SMAP1: variants seen among roughly 807,000 people sequenced by gnomAD.
SMAP1 encodes small ArfGAP 1, also known as stromal membrane-associated protein 1.
SMAP1 carries 24 observed loss-of-function variants against 58.5 expected under a neutral mutation model. That is an observed-to-expected ratio of 0.41 (90% CI 0.30 to 0.58). The LOEUF (loss-of-function observed/expected upper bound fraction) is 0.58. Ranked by LOEUF, SMAP1 falls within the 20% of genes least tolerant of loss-of-function variation. SMAP1 has a pLI of 0.29. For synonymous variants in SMAP1, 216 were observed against 196.6 expected (o/e 1.10, Z -0.82); for missense variants, 563 against 566.3 (o/e 0.99, Z 0.06).
At position 70,762,519 on chromosome 6, in the gene SMAP1, AT is replaced by A. The variant is rs541989769; in HGVS notation, c.338+7456del. 7.4e-3 allele frequency among the ~76,000 whole-genome samples: 1,129 copies of A among 152,292 alleles called. 20 individuals carry two copies. Among genetic ancestry groups the A allele is most frequent in the African/African-American group, 0.025 (1,059 of 41,564 alleles). On this transcript the variant is annotated intron_variant, in intron 3 of 10. Transcript: ENST00000370455. ...AAAATATACAAGGACTGTGTGAGACATTCTTGCAGTAGGAGGCACATAGGAA... is the reference window on the plus strand; with the variant it reads ...AAAATATACAAGGACTGTGTGAGACATCTTGCAGTAGGAGGCACATAGGAA...
rs149750002 is a variant in SMAP1, at chr6:70,705,016, C to T, written c.119-27362C>T. Among the ~76,000 whole-genome samples the T allele has an allele frequency of 3.2e-3, 486 of 152,262 alleles. 1 individual carries two copies. The highest frequency in any genetic ancestry group is 7.1e-3 in the Admixed American group (108 of 15,282). ...TTTGTAGTTCATGATGGCAGACTCT[C>T]ATCTGTTTTATTTCCCTGAGGATAC... On this transcript the variant is annotated intron_variant, in intron 1 of 10. Coordinates refer to ENST00000370455, the MANE Select transcript of SMAP1 (RefSeq NM_001044305.3).
At chr6:70,836,039 C>T (rs781205697) in intron 6 of SMAP1, among the ~76,000 whole-genome samples, 2 of 152,112 alleles carry the variant, frequency 1.3e-5, no homozygotes, top group Non-Finnish European at 2.9e-5. Flanking sequence ...CTTTTCCTGG[C>T]AGTTGTGTCT....
rs1482744733 is a variant in SMAP1 at position 70,783,970 on chromosome 6, C to T, written c.415-7719C>T. 5.3e-5 allele frequency among the ~76,000 whole-genome samples: 8 copies of T among 152,208 alleles called. No individual in the cohort carries two copies. The South Asian group carries it at 6.2e-4, about 12-fold the overall frequency. ...CAGAGAACGCCACAAAGATACTCCT[C>T]GAGAAGAGCAACTCCAAGACACATA... On this transcript the variant is annotated intron_variant, in intron 4 of 10. Coordinates refer to ENST00000370455, the MANE Select transcript of SMAP1 (RefSeq NM_001044305.3).
At chr6:70,682,017 T>C (rs1331541098) in intron 1 of SMAP1, among the ~76,000 whole-genome samples, 1 of 152,048 alleles carries the variant, frequency 6.6e-6, no homozygotes, top group East Asian at 1.9e-4. Flanking sequence ...GGTTAGCTTT[T>C]GACAGGAGAA....
chr6:70,718,967 T>C (rs1213562116), intron 1 of SMAP1, among the ~76,000 whole-genome samples: 1 of 152,166 alleles, frequency 6.6e-6, no homozygotes, highest in African/African-American at 2.4e-5. Context: ...ATGTGTGATT[T>C]CACCTTAAAA....
intron 1 of SMAP1, among the ~76,000 whole-genome samples, chr6:70,703,820 G>T (rs1349746114): frequency 1.3e-5 from 2 of 152,176 alleles, no homozygotes; most frequent in African/African-American, 4.8e-5. Context: ...TGAACTCCTA[G>T]ATCCATTTCC....
intron 4 of SMAP1, among the ~76,000 whole-genome samples, chr6:70,787,537 T>A (rs1246513743): frequency 1.3e-5 from 2 of 152,124 alleles, no homozygotes; most frequent in Non-Finnish European, 2.9e-5. Flanking sequence ...AGAAAATTTT[T>A]GCAATCTACT....
intron 4 of SMAP1, among the ~76,000 whole-genome samples, chr6:70,777,966 G>C (rs1400577558): frequency 6.6e-6 from 1 of 152,066 alleles, no homozygotes; most frequent in Non-Finnish European, 1.5e-5. Flanking sequence ...TGCCCAGGCT[G>C]GTCTCGAACT....
At chr6:70,854,535 T>C (rs1027808325) in intron 8 of SMAP1, among the ~76,000 whole-genome samples, 9 of 151,900 alleles carry the variant, frequency 5.9e-5, no homozygotes, top group African/African-American at 1.9e-4. Flanking sequence ...GGCAGGAGAA[T>C]TGCTTGAACC....
chr6:70,731,344 T>C (rs1765424220), intron 1 of SMAP1, among the ~76,000 whole-genome samples: 1 of 152,246 alleles, frequency 6.6e-6, no homozygotes. Flanking sequence ...ACTTGTATTC[T>C]TGTATTCATA....
At chr6:70,714,917 C>T (rs1033076830) in intron 1 of SMAP1, among the ~76,000 whole-genome samples, 2 of 152,076 alleles carry the variant, frequency 1.3e-5, no homozygotes, top group Middle Eastern at 3.4e-3. Flanking sequence ...CTGCACTTTG[C>T]ATATATAATT....
At chr6:70,856,725 T>TG (rs1771440298) in intron 8 of SMAP1, 134 bp from the exon 9 acceptor site, 1 of 855,386 alleles carries the variant, frequency 1.2e-6, no homozygotes, top group African/African-American at 1.7e-5. Context: ...AGTGATCCTC[T>TG]TGAATGGCAC....
chr6:70,823,085 A>G (rs1164940493), intron 6 of SMAP1, among the ~76,000 whole-genome samples: 1 of 152,170 alleles, frequency 6.6e-6, no homozygotes, highest in African/African-American at 2.4e-5. Context: ...AGCTGCTTTA[A>G]ATTCATGGTC....
At chr6:70,818,241 CAA>C (rs34322746) in intron 6 of SMAP1, among the ~76,000 whole-genome samples, 4 of 127,430 alleles carry the variant, frequency 3.1e-5, no homozygotes, top group Non-Finnish European at 3.4e-5. Flanking sequence ...TAAAAAATTA[CAA>C]AAAAAAAAAA....
chr6:70,685,963 T>A (rs1766919835), intron 1 of SMAP1, among the ~76,000 whole-genome samples: 1 of 152,152 alleles, frequency 6.6e-6, no homozygotes, highest in South Asian at 2.1e-4. Context: ...TGGAGTGTAG[T>A]GGCACCACAA....
chr6:70,670,552 CAT>C (rs1038508637), intron 1 of SMAP1, among the ~76,000 whole-genome samples: 1 of 152,094 alleles, frequency 6.6e-6, no homozygotes, highest in Non-Finnish European at 1.5e-5. Flanking sequence ...GCTAGGATGA[CAT>C]AATAAATATA....
At position 70,788,180 on chromosome 6, in the gene SMAP1, C is replaced by T. The variant is rs1404814359; in HGVS notation, c.415-3509C>T. Among the ~76,000 whole-genome samples, 6 of 151,484 alleles carry T rather than the reference C, an allele frequency of 4.0e-5. No individual in the cohort carries two copies. In the East Asian group the frequency reaches 1.2e-3, roughly 29 times the overall value. On this transcript the variant is annotated intron_variant, in intron 4 of 10. Transcript: ENST00000370455. ...ATGGATGAAACTGGAAACCATCATT[C>T]TCAGCAAACTATCGCAAGGACAAGA...
chr6:70,686,576 C>A (rs1167899787), intron 1 of SMAP1, among the ~76,000 whole-genome samples: 1 of 152,088 alleles, frequency 6.6e-6, no homozygotes, highest in Admixed American at 6.6e-5. Context: ...TTTGAAAAAA[C>A]ACACATTTCT....
At chr6:70,828,599 C>G (rs562039631) in intron 6 of SMAP1, among the ~76,000 whole-genome samples, 3 of 152,258 alleles carry the variant, frequency 2.0e-5, no homozygotes, top group African/African-American at 4.8e-5. Flanking sequence ...TTCACTACCC[C>G]CATTGAAAAA....
Sources: gnomAD v4.1 joint callset for allele counts (sites outside exome capture counted in the v4.1 genomes callset) on GRCh38, gnomAD v4.1.1 for gene constraint, MANE v1.5 for transcripts, NCBI Gene and HGNC (gene_info 2026-07-23, HGNC 2026-07-21) for gene names.